The following NEK5 variants were observed in gnomAD, a reference collection of about 807,000 sequenced individuals.
The protein encoded by NEK5 is serine/threonine-protein kinase Nek5.
In NEK5, 88 loss-of-function variants were observed where a neutral mutation model predicts 109.2. The ratio of observed to expected loss-of-function variants is 0.81; its 90% CI spans 0.68 to 0.96. NEK5 has a LOEUF of 0.96. Ranked by LOEUF, NEK5 falls within the 40% of genes least tolerant of loss-of-function variation. The probability of loss-of-function intolerance (pLI) is 0.00; values close to 1 mark genes in which losing one functional copy is unlikely to be tolerated. For missense variants in NEK5, 834 were observed against 920.7 expected (o/e 0.91, Z 1.22); for synonymous variants, 283 against 299.9 (o/e 0.94, Z 0.58).
chr13:52,098,341 C>T (rs1015473042), intron 12 of NEK5, among the ~76,000 whole-genome samples: 1 of 151,852 alleles, frequency 6.6e-6, no homozygotes, highest in Non-Finnish European at 1.5e-5. Flanking sequence ...CTTAAACAAT[C>T]GGTTTTTAAA....
chr13:52,119,290 A>C, intron 4 of NEK5, 29 bp downstream of exon 4: 3 of 1,303,330 alleles, frequency 2.3e-6, no homozygotes, highest in Non-Finnish European at 3.3e-6. Flanking sequence ...ACTTTATAAA[A>C]ATACTTAACG....
At chr13:52,067,676 AT>A (rs33986940) in intron 20 of NEK5, among the ~76,000 whole-genome samples, 175 of 120,152 alleles carry the variant, frequency 1.5e-3, no homozygotes, top group South Asian at 2.2e-3. Flanking sequence ...ACACCACGTC[AT>A]TTTTTTTTTT....
chr13:52,068,242 C>T (rs1289824865), intron 20 of NEK5, among the ~76,000 whole-genome samples: 1 of 152,116 alleles, frequency 6.6e-6, no homozygotes, highest in Non-Finnish European at 1.5e-5. Context: ...CCCTTACTGT[C>T]CACCCTCCTT....
intron 17 of NEK5, among the ~76,000 whole-genome samples, chr13:52,080,289 GGCCA>G (rs2137847946): frequency 6.9e-6 from 1 of 145,828 alleles, no homozygotes; most frequent in Admixed American, 6.8e-5. Context: ...CCCCCCGCCC[GGCCA>G]GCCGCCTCGT....
Position 52,127,590 on chromosome 13 carries a change from C to T in NEK5, c.-23+5G>A, listed in dbSNP as rs1956090282. On this transcript the variant is annotated splice_donor_5th_base_variant and intron_variant, in intron 2 of 23. Coordinates refer to ENST00000684899, the MANE Select transcript of NEK5 (RefSeq NM_001365552.1). The stretch of plus-strand genomic sequence containing the variant: ...AACTGATGACTAAAGTGTAAAAGAA[C>T]TCACTTAGCTAAAACTTTCCTCCCA... 1.5e-6 allele frequency: 1 copy of T among 689,112 alleles called. No individual in the cohort carries two copies. The highest frequency in any genetic ancestry group is 2.6e-6 in the Non-Finnish European group (1 of 387,872). 42.7% of individuals were successfully genotyped at this position (689,112 alleles called of 1,614,324 possible).
At chr13:52,063,765 C>T (rs1183456845) in intron 21 of NEK5, among the ~76,000 whole-genome samples, 2 of 150,188 alleles carry the variant, frequency 1.3e-5, no homozygotes, top group Admixed American at 1.3e-4. Flanking sequence ...CCCGGCCACC[C>T]CATCTGAGAA....
rs1226794828 is a variant in NEK5 at position 52,037,002 on chromosome 13, A to T, written c.2445T>A (p.Cys815Ter). 4.1e-6 allele frequency: 4 copies of T among 985,168 alleles called. No homozygotes were observed. The African/African-American group carries it at 7.0e-5, about 17-fold the overall frequency. 61.0% of individuals were successfully genotyped at this position (985,168 alleles called of 1,614,324 possible). A position where few individuals can be genotyped will look rare whatever the true frequency, so the allele number is the denominator to read the frequency against. ...ATGTTCCTTGGTCTTCATCAGTAAT[A>T]CAAATGTGGTCATTAGATGTAGTAG... The part of the protein sequence containing the change: ...NISTTSNDHI[C>*]ITDEDQGTST... The change falls in exon 24 of 24, where the codon TGT becomes TGA. Residue 815 changes from cysteine to a stop codon, truncating the protein, a stop_gained. Coordinates refer to ENST00000684899, the MANE Select transcript of NEK5 (RefSeq NM_001365552.1). LOFTEE classifies it high-confidence loss of function.
chr13:52,060,915 A>C (rs1410054990), intron 22 of NEK5, among the ~76,000 whole-genome samples: 1 of 152,080 alleles, frequency 6.6e-6, no homozygotes, highest in Non-Finnish European at 1.5e-5. Context: ...GCCAGGCTGG[A>C]GAGCAGTGAT....
intron 22 of NEK5, among the ~76,000 whole-genome samples, chr13:52,058,659 A>G (rs1369475613): frequency 0.013 from 1,965 of 152,080 alleles, 48 homozygotes; most frequent in African/African-American, 0.045. Context: ...CATATCTACA[A>G]CTATCTGATC....
At chr13:52,128,905 G>A (rs563520534) in intron 1 of NEK5, 124 bp downstream of exon 1, 153 of 152,506 alleles carry the variant, frequency 1.0e-3, no homozygotes, top group Non-Finnish European at 1.7e-3. Context: ...CAGGACGCTA[G>A]GCCTTTTCTG....
chr13:52,102,830 CT>C (rs1308568934), intron 9 of NEK5, among the ~76,000 whole-genome samples: 2 of 152,124 alleles, frequency 1.3e-5, no homozygotes, highest in East Asian at 3.9e-4. Flanking sequence ...TTAATTCTGT[CT>C]TATTATCAAA....
In NEK5 at chr13:52,114,544, C is replaced by T. The variant is rs567085797; in HGVS notation, c.215-2179G>A. 2.6e-5 allele frequency among the ~76,000 whole-genome samples: 4 copies of T among 152,300 alleles called. No homozygotes were observed. The South Asian group carries it at 8.3e-4, about 32-fold the overall frequency. ...GTTATTAACAAACTTCTATTGAGGA[C>T]ATGCAAAAGCAAGGAATGCTGTGTA... On this transcript the variant is annotated intron_variant, in intron 4 of 23. Coordinates refer to ENST00000684899, the MANE Select transcript of NEK5 (RefSeq NM_001365552.1).
At chr13:52,047,954 T>C (rs1474776671) in intron 23 of NEK5, among the ~76,000 whole-genome samples, 6 of 152,206 alleles carry the variant, frequency 3.9e-5, no homozygotes, top group South Asian at 2.1e-4. Flanking sequence ...TAGTGTTCTA[T>C]ACAGTAGCAG....
rs1432244030 is a variant in NEK5, at chr13:52,061,850, C to G, written c.2079G>C (p.Thr693=). 1.0e-6 allele frequency: 1 copy of G among 985,796 alleles called. No individual in the cohort carries two copies. Among genetic ancestry groups the G allele is most frequent in the Non-Finnish European group, 1.2e-6 (1 of 829,878 alleles). The allele number at this position is 985,796 out of a possible 1,614,324, so 61.1% of individuals were successfully genotyped here. The change falls in exon 22 of 24, where the codon ACG becomes ACC. Residue 693 remains threonine, a synonymous_variant. Transcript: ENST00000684899. ...CTTCATCGGCAGAAAATGAGCTACT[C>G]GTTAGATGTGCTGCTGCCAAAACAC... ...LMSVLAAAHL[T]SSSFSADEEF... is the part of the protein sequence containing the mutation.
At chr13:52,054,149 C>T (rs960957200) in intron 22 of NEK5, among the ~76,000 whole-genome samples, 16 of 152,142 alleles carry the variant, frequency 1.1e-4, no homozygotes, top group Non-Finnish European at 4.4e-5. Flanking sequence ...ATCAGCAAAA[C>T]GTCCATGTAT....
At chr13:52,041,747 A>AC in intron 23 of NEK5, among the ~76,000 whole-genome samples, 1 of 150,954 alleles carries the variant, frequency 6.6e-6, no homozygotes, top group African/African-American at 2.4e-5. Context: ...AAAAAAAAAA[A>AC]AAAAAATTCA....
rs527950810 is a variant in NEK5, at chr13:52,108,873, A to C, written c.468-469T>G. On this transcript the variant is annotated intron_variant, in intron 7 of 23. Coordinates refer to ENST00000684899, the MANE Select transcript of NEK5 (RefSeq NM_001365552.1). Reference sequence around the variant, plus strand: ...TAACCGTGATCACAATGTATTTAAAATTCAGAATTCCATTTTCTTTGCTTA... The same window carrying C: ...TAACCGTGATCACAATGTATTTAAACTTCAGAATTCCATTTTCTTTGCTTA... 7.2e-5 allele frequency among the ~76,000 whole-genome samples: 11 copies of C among 152,376 alleles called. No individual in the cohort carries two copies. In the East Asian group the frequency reaches 2.1e-3, roughly 29 times the overall value.
Position 52,127,175 on chromosome 13 carries a change from C to A in NEK5, c.117+191G>T, listed in dbSNP as rs555431094. Reference sequence around the variant, plus strand: ...CTGGGATTACAGGGGTGAGCCAGTGCGTCCAGCCTCTTTTTAAAAATGAGA... The same window carrying A: ...CTGGGATTACAGGGGTGAGCCAGTGAGTCCAGCCTCTTTTTAAAAATGAGA... On this transcript the variant is annotated intron_variant, in intron 3 of 23. Transcript: ENST00000684899. Among the ~76,000 whole-genome samples the A allele has an allele frequency of 1.9e-3, 291 of 152,290 alleles. 1 individual carries two copies. Among genetic ancestry groups the A allele is most frequent in the Non-Finnish European group, 3.1e-3 (213 of 68,032 alleles).
intron 8 of NEK5, among the ~76,000 whole-genome samples, chr13:52,106,865 G>T (rs1006038902): frequency 6.6e-6 from 1 of 151,942 alleles, no homozygotes; most frequent in African/African-American, 2.4e-5. Flanking sequence ...AGATTACCTA[G>T]TCAATACTCT....
Sources: gnomAD v4.1 joint callset for allele counts (sites outside exome capture counted in the v4.1 genomes callset) on GRCh38, gnomAD v4.1.1 for gene constraint, MANE v1.5 for transcripts, NCBI Gene and HGNC (gene_info 2026-07-23, HGNC 2026-07-21) for gene names.